The following IDS variants were observed in gnomAD, a reference collection of about 807,000 sequenced individuals.
The protein encoded by IDS is alpha-L-iduronate sulfate sulfatase.
In IDS, 1 loss-of-function variant was observed where a neutral mutation model predicts 33.5. The ratio of observed to expected loss-of-function variants is 0.03; its 90% CI spans 0.01 to 0.14. IDS has a LOEUF of 0.14. Among genes scored for constraint, IDS ranks in the 10% least tolerant of loss-of-function variants. The pLI is 1.00. For missense variants in IDS, 328 were observed against 448.0 expected (o/e 0.73, Z 2.42); for synonymous variants, 191 against 184.4 (o/e 1.04, Z -0.29).
In IDS at chrX:149,505,291, T is replaced by TA. The variant is rs2089520054; in HGVS notation, c.-155_-154insT. 1 of 316,682 alleles carries TA rather than the reference T, an allele frequency of 3.2e-6. No individual in the cohort carries two copies. Among genetic ancestry groups the TA allele is most frequent in the East Asian group, 4.8e-5 (1 of 21,015 alleles). The allele number at this position is 316,682 out of a possible 1,213,427, so 26.1% of individuals were successfully genotyped here. On this transcript the variant is annotated 5_prime_UTR_variant, in exon 1 of 9. Coordinates refer to ENST00000340855, the MANE Select transcript of IDS (RefSeq NM_000202.8). ...CGCCCGGGCCCGCAGGCCCGGGCGC[T>TA]GGCCGCAGCGCGAGTGCGTCCGTGC...
Position 149,482,749 on chromosome X carries a change from A to G in IDS, c.1650T>C (p.Pro550=), listed in dbSNP as rs1369609485. 8.3e-7 allele frequency: 1 copy of G among 1,209,656 alleles called. No individual in the cohort carries two copies. The highest frequency in any genetic ancestry group is 1.8e-5 in the African/African-American group (1 of 56,969). ...QGGDLFQLLM[P] is the part of the protein sequence containing the mutation. Reference sequence around the variant, plus strand: ...TGCCATCCATGGTTGGCAAAACTCAAGGCATCAACAACTGGAAAAGATCTC... The same window carrying G: ...TGCCATCCATGGTTGGCAAAACTCAGGGCATCAACAACTGGAAAAGATCTC... The change falls in exon 9 of 9, where the codon CCT becomes CCC. Residue 550 remains proline (P), a synonymous_variant. Coordinates refer to ENST00000340855, the MANE Select transcript of IDS (RefSeq NM_000202.8).
At chrX:149,495,237 A>G (rs1160893517) in intron 6 of IDS, among the ~76,000 whole-genome samples, 1 of 112,102 alleles carries the variant, frequency 8.9e-6, no homozygotes, top group African/African-American at 3.2e-5. Flanking sequence ...AAATTAGAAA[A>G]CAAACAGATG....
rs1557338111 is a variant in IDS, at chrX:149,486,964, G to A, written c.1141C>T (p.Leu381Phe). ...PEAGEKLFPYLDPFDSASQLM... is the reference protein window; with the variant it reads ...PEAGEKLFPYFDPFDSASQLM... The stretch of plus-strand genomic sequence containing the variant: ...TGTGAGGCGGAATCAAAAGGGTCGA[G>A]GTAAGGGAAAAGCTTCTCGCCTGCC... The change falls in exon 8 of 9, where the codon CTC becomes TTC. Residue 381 changes from leucine to phenylalanine, a missense_variant. By Grantham distance (22) the Leu-to-Phe change is conservative. Coordinates refer to ENST00000340855, the MANE Select transcript of IDS (RefSeq NM_000202.8). 1 of 1,211,921 alleles carries A rather than the reference G, an allele frequency of 8.3e-7. No individual in the cohort carries two copies. Among genetic ancestry groups the A allele is most frequent in the Non-Finnish European group, 1.1e-6 (1 of 895,464 alleles).
chrX:149,482,277 C>A lies in IDS; in HGVS notation c.*469G>T, dbSNP rs2089299640. On this transcript the variant is annotated 3_prime_UTR_variant, in exon 9 of 9. Transcript: ENST00000340855. ...AACATAATATTTTGAATATATAGGGCTCATAAGATATATTATTAAATTATA... is the reference window on the plus strand; with the variant it reads ...AACATAATATTTTGAATATATAGGGATCATAAGATATATTATTAAATTATA... 1 of 121,575 alleles carries A rather than the reference C, an allele frequency of 8.2e-6. No homozygotes were observed. Among genetic ancestry groups the A allele is most frequent in the African/African-American group, 3.3e-5 (1 of 30,531 alleles). The allele number at this position is 121,575 out of a possible 1,213,427, so 10.0% of individuals were successfully genotyped here.
At chrX:149,487,441 C>T (rs1478031252) in intron 7 of IDS, 3 of 518,213 alleles carry the variant, frequency 5.8e-6, no homozygotes, top group Admixed American at 2.9e-5. Flanking sequence ...AAGACATGCT[C>T]ATTCTTGACA....
intron 5 of IDS, among the ~76,000 whole-genome samples, chrX:149,497,623 C>T (rs782499632): frequency 1.8e-5 from 2 of 112,583 alleles, no homozygotes; most frequent in Non-Finnish European, 3.8e-5. Context: ...ACTACATGCT[C>T]TAAATGACAT....
chrX:149,482,787 C>G lies in IDS; in HGVS notation c.1612G>C (p.Asp538His). 8.3e-7 allele frequency: 1 copy of G among 1,211,922 alleles called. No homozygotes were observed. Residue 538 changes from aspartate to histidine, a missense_variant, in exon 9 of 9, where the codon GAT becomes CAT. Physicochemically the swap from Asp to His is moderately conservative, Grantham distance 81 (BLOSUM62 -1). Coordinates refer to ENST00000340855, the MANE Select transcript of IDS (RefSeq NM_000202.8). ...DPLQDHNMYN[D>H]SQGGDLFQLL... ...TGGAAAAGATCTCCACCTTGGGAAT[C>G]ATTATACATATTGTGATCCTGCAAT... is the stretch of plus-strand genomic sequence containing the variant.
chrX:149,486,545 G>T (rs782667001), intron 8 of IDS, among the ~76,000 whole-genome samples: 1 of 111,897 alleles, frequency 8.9e-6, no homozygotes, highest in African/African-American at 3.3e-5. Flanking sequence ...CCAAAAGTGC[G>T]CATCGAGGGA....
Position 149,478,328 on chromosome X carries a change from A to G in IDS, c.*4418T>C, listed in dbSNP as rs1224838853. The G allele has an allele frequency of 8.9e-6, 1 of 112,487 alleles. No individual in the cohort carries two copies. Among genetic ancestry groups the G allele is most frequent in the African/African-American group, 3.2e-5 (1 of 30,901 alleles). 9.3% of individuals were successfully genotyped at this position (112,487 alleles called of 1,213,427 possible). The stretch of plus-strand genomic sequence containing the variant: ...TTTGTACATCCTTGTTGACAGCAAC[A>G]TTATTGCAATGGCCAAAAGGTAGAA... On this transcript the variant is annotated 3_prime_UTR_variant, in exon 9 of 9. Transcript: ENST00000340855.
intron 7 of IDS, 122 bp from the exon 8 acceptor site, chrX:149,487,220 G>C: frequency 8.3e-7 from 1 of 1,203,201 alleles, no homozygotes; most frequent in Non-Finnish European, 1.1e-6. Flanking sequence ...TCATCACCTA[G>C]AAGAAAAATA....
chrX:149,484,459 T>C (rs966230906), intron 8 of IDS, among the ~76,000 whole-genome samples: 10 of 112,284 alleles, frequency 8.9e-5, no homozygotes, highest in Admixed American at 9.4e-5. Context: ...GTAGCTGGGA[T>C]TACAGGCATG....
At position 149,504,498 on chromosome X, in the gene IDS, A is replaced by G. The variant is rs147945112; in HGVS notation, c.104-205T>C. ...TGGGTGGCAGGGTTAGGCTTTGGTC[A>G]TGGCCTCCAACCTGGGTGAGGAAGC... On this transcript the variant is annotated intron_variant, in intron 1 of 8. Coordinates refer to ENST00000340855, the MANE Select transcript of IDS (RefSeq NM_000202.8). Among the ~76,000 whole-genome samples the G allele has an allele frequency of 1.5e-3, 169 of 111,767 alleles. 1 individual carries two copies. Among genetic ancestry groups the G allele is most frequent in the African/African-American group, 5.2e-3 (160 of 30,682 alleles).
intron 2 of IDS, 40 bp downstream of exon 2, chrX:149,504,117 G>A (rs782538266): frequency 1.0e-5 from 12 of 1,169,209 alleles, no homozygotes; most frequent in African/African-American, 5.3e-5. Context: ...CTCAGTGCAC[G>A]AAGCAGCACA....
rs1557337276 is a variant in IDS at position 149,479,935 on chromosome X, C to T, written c.*2811G>A. 1 of 229,860 alleles carries T rather than the reference C, an allele frequency of 4.4e-6. No individual in the cohort carries two copies. Among genetic ancestry groups the T allele is most frequent in the East Asian group, 6.6e-5 (1 of 15,194 alleles). 18.9% of individuals were successfully genotyped at this position (229,860 alleles called of 1,213,427 possible). ...ATTCTTTAGCAATGTTCATTCCATC[C>T]CACAATAGAGTCTAGAGAGTCACAA... On this transcript the variant is annotated 3_prime_UTR_variant, in exon 9 of 9. Transcript: ENST00000340855.
intron 6 of IDS, among the ~76,000 whole-genome samples, chrX:149,494,707 C>T (rs1006344442): frequency 6.3e-5 from 7 of 111,647 alleles, no homozygotes; most frequent in African/African-American, 1.3e-4. Context: ...TCCGTGCAGC[C>T]GACACGGTCC....
Position 149,482,860 on chromosome X carries a change from G to T in IDS, c.1539C>A (p.Asn513Lys), listed in dbSNP as rs1557337587. The change falls in exon 9 of 9, where the codon AAC (asparagine) becomes AAA (lysine). Residue 513 changes from asparagine to lysine, a missense_variant. Asn to Lys is a moderately conservative substitution (Grantham distance 94). This residue lies in a region of IDS where 265 missense variants were observed against 339.2 expected (regional missense o/e 0.78). Transcript: ENST00000340855. ...GTTCCCCTGCATGGATGTCAGAAAAGTTAGCTAGAAATTCATCAGGATTGA... is the reference window on the plus strand; with the variant it reads ...GTTCCCCTGCATGGATGTCAGAAAATTTAGCTAGAAATTCATCAGGATTGA... The part of the protein sequence containing the change: ...VGFNPDEFLA[N>K]FSDIHAGELY... 8.3e-7 allele frequency: 1 copy of T among 1,211,942 alleles called. No homozygotes were observed. The highest frequency in any genetic ancestry group is 1.8e-5 in the South Asian group (1 of 57,007).
In IDS at chrX:149,479,000, ATTTTAAG is replaced by A. The variant is rs1557337133; in HGVS notation, c.*3739_*3745del. ...GATCAAGGTCACTAACAAGCAAAGA[ATTTTAAG>A]TTTTTTTTGTTTTTTGTTGTTTTTT... On this transcript the variant is annotated 3_prime_UTR_variant, in exon 9 of 9. Coordinates refer to ENST00000340855, the MANE Select transcript of IDS (RefSeq NM_000202.8). 3 of 112,668 alleles carry A rather than the reference ATTTTAAG, an allele frequency of 2.7e-5. No homozygotes were observed. Among genetic ancestry groups the A allele is most frequent in the African/African-American group, 9.7e-5 (3 of 31,037 alleles). 9.3% of individuals were successfully genotyped at this position (112,668 alleles called of 1,213,427 possible). A position where few individuals can be genotyped will look rare whatever the true frequency, so the allele number is the denominator to read the frequency against.
rs5936295 is a variant in IDS, at chrX:149,488,087, C to T, written c.1007-989G>A. Among the ~76,000 whole-genome samples the T allele has an allele frequency of 4.7e-3, 443 of 93,638 alleles. 6 individuals are homozygous for T. The highest frequency in any genetic ancestry group is 6.4e-3 in the Non-Finnish European group (304 of 47,346). The allele number at this position is 93,638 out of a possible 115,157, so 81.3% of individuals were successfully genotyped here. A position where few individuals can be genotyped will look rare whatever the true frequency, so the allele number is the denominator to read the frequency against. On this transcript the variant is annotated intron_variant, in intron 7 of 8. Coordinates refer to ENST00000340855, the MANE Select transcript of IDS (RefSeq NM_000202.8). Reference sequence around the variant, plus strand: ...CCCACTCATCAATAATCAAAGCAGACTTGATGCCCATCAGAGATGCCCAAT... The same window carrying T: ...CCCACTCATCAATAATCAAAGCAGATTTGATGCCCATCAGAGATGCCCAAT...
chrX:149,488,425 G>T (rs1557338380), intron 7 of IDS, among the ~76,000 whole-genome samples: 1 of 110,398 alleles, frequency 9.1e-6, no homozygotes, highest in East Asian at 2.9e-4. Flanking sequence ...GGATCGAGAA[G>T]CCTGCAGGAT....
Sources: gnomAD v4.1 joint callset for allele counts (sites outside exome capture counted in the v4.1 genomes callset) on GRCh38, gnomAD v4.1.1 for gene constraint, gnomAD v4.1.1 regional missense constraint, MANE v1.5 for transcripts, NCBI Gene and HGNC (gene_info 2026-07-23, HGNC 2026-07-21) for gene names.